NPAS3: variants seen among roughly 807,000 people sequenced by gnomAD.
NPAS3 encodes neuronal PAS domain protein 3, also known as neuronal PAS domain-containing protein 3.
Under a neutral mutation model 73.1 loss-of-function variants are expected in NPAS3, and 14 were observed. The observed-to-expected ratio is 0.19, with a 90% CI of 0.13 to 0.30. The LOEUF is 0.30. NPAS3 is among the 10% of genes least tolerant of loss of function. The pLI, the probability that NPAS3 is intolerant of heterozygous loss-of-function variation, is 1.00. For missense variants in NPAS3, 1,096 were observed against 1,250.0 expected (o/e 0.88, Z 1.86); for synonymous variants, 620 against 541.5 (o/e 1.14, Z -2.01).
At chr14:33,556,484 G>A (rs2055362142) in intron 4 of NPAS3, among the ~76,000 whole-genome samples, 1 of 152,184 alleles carries the variant, frequency 6.6e-6, no homozygotes, top group African/African-American at 2.4e-5. Context: ...GGAAAAGGGA[G>A]CACTGAGCAT....
intron 7 of NPAS3, among the ~76,000 whole-genome samples, chr14:33,745,873 A>G (rs757892060): frequency 1.8e-4 from 28 of 152,246 alleles, no homozygotes; most frequent in Non-Finnish European, 1.2e-4. Context: ...AAAGAAGCAC[A>G]TACCAAATGG....
chr14:33,402,878 A>C (rs1254315742), intron 4 of NPAS3, among the ~76,000 whole-genome samples: 1 of 152,122 alleles, frequency 6.6e-6, no homozygotes, highest in Non-Finnish European at 1.5e-5. Context: ...GCATTTGTTC[A>C]TGTATGTCAG....
At chr14:33,136,648 T>C (rs2043850622) in intron 2 of NPAS3, among the ~76,000 whole-genome samples, 1 of 152,240 alleles carries the variant, frequency 6.6e-6, no homozygotes. Flanking sequence ...GTGAGCCTTA[T>C]TTCAAAGTCT....
intron 4 of NPAS3, among the ~76,000 whole-genome samples, chr14:33,449,239 A>G (rs952762553): frequency 3.3e-5 from 5 of 152,178 alleles, no homozygotes; most frequent in African/African-American, 1.2e-4. Context: ...CCCCAACTCC[A>G]TCCTCATATT....
intron 1 of NPAS3, among the ~76,000 whole-genome samples, chr14:33,010,568 A>C (rs984909055): frequency 2.6e-5 from 4 of 152,256 alleles, no homozygotes; most frequent in Non-Finnish European, 5.9e-5. Context: ...TAAAATTGGC[A>C]TAAATAAGAA....
At chr14:33,590,563 A>G (rs2057028189) in intron 5 of NPAS3, among the ~76,000 whole-genome samples, 1 of 152,160 alleles carries the variant, frequency 6.6e-6, no homozygotes, top group African/African-American at 2.4e-5. Flanking sequence ...AGCCACTTTT[A>G]TTTTTTGAAT....
At chr14:33,186,966 A>G (rs1317234703) in intron 2 of NPAS3, among the ~76,000 whole-genome samples, 1 of 152,160 alleles carries the variant, frequency 6.6e-6, no homozygotes, top group Non-Finnish European at 1.5e-5. Flanking sequence ...TGCTCCCACA[A>G]CAGAGTTAAA....
intron 3 of NPAS3, among the ~76,000 whole-genome samples, chr14:33,304,863 A>G (rs12887788): frequency 0.29 from 44,801 of 152,014 alleles, 6,730 homozygotes; most frequent in Middle Eastern, 0.37. Flanking sequence ...TAAGTTTTAC[A>G]TATATGAAGA....
chr14:33,214,437 A>G (rs2047146864), intron 2 of NPAS3: 1 of 152,232 alleles, frequency 6.6e-6, no homozygotes. Context: ...TTTATCTTTC[A>G]ATATTAAATT....
At chr14:33,458,996 G>A (rs1396715531) in intron 4 of NPAS3, among the ~76,000 whole-genome samples, 1 of 152,224 alleles carries the variant, frequency 6.6e-6, no homozygotes, top group African/African-American at 2.4e-5. Context: ...GCTGCTGGTT[G>A]CCCATTTTTA....
At chr14:33,660,164 G>A (rs538473890) in intron 5 of NPAS3, among the ~76,000 whole-genome samples, 2 of 152,138 alleles carry the variant, frequency 1.3e-5, no homozygotes, top group African/African-American at 4.8e-5. Context: ...TGGACAGTTT[G>A]CCCATTGCTT....
chr14:33,622,568 A>G (rs536247491), intron 5 of NPAS3, among the ~76,000 whole-genome samples: 29 of 152,374 alleles, frequency 1.9e-4, no homozygotes, highest in African/African-American at 6.5e-4. Flanking sequence ...TCTTAAAGAC[A>G]TAAATGATAT....
At chr14:33,143,796 C>T (rs2044144635) in intron 2 of NPAS3, among the ~76,000 whole-genome samples, 1 of 152,142 alleles carries the variant, frequency 6.6e-6, no homozygotes, top group Non-Finnish European at 1.5e-5. Flanking sequence ...CTGGATGTTT[C>T]CTGTAAATGG....
At chr14:33,498,370 C>G (rs921950971) in intron 4 of NPAS3, among the ~76,000 whole-genome samples, 7 of 152,306 alleles carry the variant, frequency 4.6e-5, no homozygotes, top group Admixed American at 2.0e-4. Flanking sequence ...ATAAATCATT[C>G]TGCTATAAAG....
intron 3 of NPAS3, among the ~76,000 whole-genome samples, chr14:33,241,506 G>A (rs149741461): frequency 1.2e-3 from 181 of 152,010 alleles, no homozygotes; most frequent in African/African-American, 4.1e-3. Context: ...GTTCTGTGAC[G>A]GAATGAAATG....
chr14:33,274,585 C>T (rs1410581738), intron 3 of NPAS3, among the ~76,000 whole-genome samples: 1 of 152,142 alleles, frequency 6.6e-6, no homozygotes, highest in Non-Finnish European at 1.5e-5. Flanking sequence ...ATTCTTCTCA[C>T]TTCATAACTA....
chr14:33,012,943 A>G (rs1466873889), intron 1 of NPAS3, among the ~76,000 whole-genome samples: 1 of 152,208 alleles, frequency 6.6e-6, no homozygotes, highest in Non-Finnish European at 1.5e-5. Flanking sequence ...TAGTATCATG[A>G]GTAGTGGAAT....
At chr14:33,758,470 G>A (rs1344603977) in intron 7 of NPAS3, among the ~76,000 whole-genome samples, 1 of 152,128 alleles carries the variant, frequency 6.6e-6, no homozygotes, top group Non-Finnish European at 1.5e-5. Context: ...GGACAAGCTG[G>A]CCCCATAGGG....
intron 2 of NPAS3, among the ~76,000 whole-genome samples, chr14:33,060,768 C>A (rs746791709): frequency 7.2e-5 from 11 of 152,132 alleles, no homozygotes; most frequent in African/African-American, 2.7e-4. Context: ...GTTCTCAGGA[C>A]GATTTGCCTT....
Sources: gnomAD v4.1 joint callset for allele counts (sites outside exome capture counted in the v4.1 genomes callset) on GRCh38, gnomAD v4.1.1 for gene constraint, MANE v1.5 for transcripts, NCBI Gene and HGNC (gene_info 2026-07-23, HGNC 2026-07-21) for gene names.